The following RSRP1 variants were observed in gnomAD, a reference collection of about 807,000 sequenced individuals.
RSRP1 encodes arginine and serine rich protein 1, also known as arginine/serine-rich protein 1.
RSRP1 carries 37 observed loss-of-function variants against 33.0 expected under a neutral mutation model. That is an observed-to-expected ratio of 1.12 (90% CI 0.86 to 1.48). The LOEUF (loss-of-function observed/expected upper bound fraction) is 1.48, where lower values mean the gene tolerates loss of function less well. RSRP1 is among the 40% of genes most tolerant of loss of function. The probability of loss-of-function intolerance (pLI) is 0.00; values close to 1 mark genes in which losing one functional copy is unlikely to be tolerated. For synonymous variants in RSRP1, 167 were observed against 158.7 expected, an observed-to-expected ratio of 1.05 and a Z score of -0.40; for missense variants, 402 against 385.3, an observed-to-expected ratio of 1.04 and a Z score of -0.36.
intron 1 of RSRP1, among the ~76,000 whole-genome samples, chr1:25,310,210 C>A (rs1214641880): frequency 1.5e-5 from 2 of 133,282 alleles, no homozygotes; most frequent in African/African-American, 5.1e-5. Flanking sequence ...CCCCAAATTT[C>A]ATGTGCTGGA....
intron 1 of RSRP1, among the ~76,000 whole-genome samples, chr1:25,257,527 AG>A (rs1330949163): frequency 1.3e-5 from 2 of 152,178 alleles, no homozygotes; most frequent in Admixed American, 1.3e-4. Context: ...TGGGGATAGA[AG>A]AAAAACTAGC....
At position 25,328,949 on chromosome 1, in the gene RSRP1, G is replaced by T. The variant is rs546926765; in HGVS notation, c.-67+9029C>A. 9.9e-6 allele frequency: 13 copies of T among 1,318,486 alleles called. 4 individuals carry two copies. The highest frequency in any genetic ancestry group is 1.4e-5 in the Non-Finnish European group (13 of 932,108). 81.7% of individuals were successfully genotyped at this position (1,318,486 alleles called of 1,614,324 possible). On this transcript the variant is annotated intron_variant, in intron 1 of 1. Coordinates refer to the RSRP1 transcript ENST00000561867. ...AGCAAAAGCATCCAAGAAAAACAAG[G>T]CCTGTTCAAAAACAAGACAACTTCC...
chr1:25,314,931 G>T lies in RSRP1; in HGVS notation c.-67+23047C>A, dbSNP rs2427763. ...CTTTTTAAGAATTTTTGCAGCCAGC[G>T]CGGTGGCTCACACCTGTAATCCCAG... is the stretch of plus-strand genomic sequence containing the variant. On this transcript the variant is annotated intron_variant, in intron 1 of 1. Transcript: ENST00000561867. 6.0e-3 allele frequency among the ~76,000 whole-genome samples: 790 copies of T among 130,666 alleles called. 158 individuals carry two copies. The highest frequency in any genetic ancestry group is 8.9e-3 in the African/African-American group (342 of 38,430). 85.7% of individuals were successfully genotyped at this position (130,666 alleles called of 152,430 possible). A position where few individuals can be genotyped will look rare whatever the true frequency, so the allele number is the denominator to read the frequency against.
At chr1:25,262,496 T>A (rs982222915) in intron 1 of RSRP1, among the ~76,000 whole-genome samples, 1 of 152,156 alleles carries the variant, frequency 6.6e-6, no homozygotes, top group South Asian at 2.1e-4. Context: ...GCCAATCGGA[T>A]ACATAGATAT....
Position 25,246,746 on chromosome 1 carries a change from T to C in RSRP1, c.218A>G (p.Lys73Arg), listed in dbSNP as rs1279865682. The C allele has an allele frequency of 6.2e-7, 1 of 1,609,366 alleles. No homozygotes were observed. Among genetic ancestry groups the C allele is most frequent in the Non-Finnish European group, 8.5e-7 (1 of 1,176,664 alleles). ...GTATGACCGCGAGTAGCGCCTGTAC[T>C]TCCGCTGGTGGCGCCTTCGGGAACG... The part of the protein sequence containing the change: ...RSRSRRRHQR[K>R]YRRYSRSYSR... The change falls in exon 2 of 5, where the codon AAG (lysine) becomes AGG (arginine). Residue 73 changes from lysine to arginine, a missense_variant. By Grantham distance (26) the Lys-to-Arg change is conservative (BLOSUM62 2). Coordinates refer to ENST00000243189, the MANE Select transcript of RSRP1 (RefSeq NM_020317.5).
In RSRP1 at chr1:25,308,491, G is replaced by A. The variant is rs1266859825; in HGVS notation, c.-67+29487C>T. Among the ~76,000 whole-genome samples the A allele has an allele frequency of 3.0e-5, 4 of 131,622 alleles. 1 individual carries two copies. The highest frequency in any genetic ancestry group is 7.2e-5 in the Non-Finnish European group (4 of 55,850). The allele number at this position is 131,622 out of a possible 152,430, so 86.3% of individuals were successfully genotyped here. On this transcript the variant is annotated intron_variant, in intron 1 of 1. Transcript: ENST00000561867. ...GAAAAAGCCAATCAGTGGTTTTCTG[G>A]TAAAGGATTAACTTAACAAACTGGC...
intron 1 of RSRP1, among the ~76,000 whole-genome samples, chr1:25,311,916 C>A (rs1644170805): frequency 7.6e-6 from 1 of 131,100 alleles, no homozygotes. Context: ...CTGTGAACAG[C>A]CACCCCAGAG....
chr1:25,304,347 C>T lies in RSRP1; in HGVS notation c.-67+33631G>A, dbSNP rs1643625570. 1.6e-5 allele frequency: 2 copies of T among 121,244 alleles called. 1 individual carries two copies. Among genetic ancestry groups the T allele is most frequent in the Admixed American group, 1.6e-4 (2 of 12,278 alleles). The allele number at this position is 121,244 out of a possible 1,614,324, so 7.5% of individuals were successfully genotyped here. A position where few individuals can be genotyped will look rare whatever the true frequency, so the allele number is the denominator to read the frequency against. On this transcript the variant is annotated intron_variant, in intron 1 of 1. Transcript: ENST00000561867. ...GAAAAACTGGCTGGGCGCAGTGGCT[C>T]ACGCGCTTTGGGAGGCCGAGGCGGG...
chr1:25,246,120 G>A (rs567491676), intron 2 of RSRP1: 3 of 294,836 alleles, frequency 1.0e-5, no homozygotes, highest in South Asian at 1.7e-4. Context: ...AAGAAGGCGT[G>A]TTTTGATATT....
chr1:25,261,476 C>A (rs2124562886), intron 1 of RSRP1, among the ~76,000 whole-genome samples: 1 of 151,092 alleles, frequency 6.6e-6, no homozygotes, highest in Admixed American at 6.6e-5. Context: ...GCAATCTCGG[C>A]TCACTGCAAT....
chr1:25,322,269 C>T (rs640810), intron 1 of RSRP1, among the ~76,000 whole-genome samples: 5 of 132,556 alleles, frequency 3.8e-5, no homozygotes, highest in African/African-American at 1.0e-4. Context: ...GCCAAATAGT[C>T]TGACATGCGG....
At position 25,278,366 on chromosome 1, in the gene RSRP1, G is replaced by A. The variant is rs1278590372; in HGVS notation, c.-66-31337C>T. Reference sequence around the variant, plus strand: ...ATGATATGCTTAGGGGAAGCAGAGAGTATCAATTACCTATTGCTGCATAAC... The same window carrying A: ...ATGATATGCTTAGGGGAAGCAGAGAATATCAATTACCTATTGCTGCATAAC... On this transcript the variant is annotated intron_variant, in intron 1 of 1. Coordinates refer to the RSRP1 transcript ENST00000561867. 3.8e-5 allele frequency among the ~76,000 whole-genome samples: 5 copies of A among 130,352 alleles called. 1 individual carries two copies. Among genetic ancestry groups the A allele is most frequent in the Admixed American group, 3.0e-4 (4 of 13,330 alleles). 85.5% of individuals were successfully genotyped at this position (130,352 alleles called of 152,430 possible).
chr1:25,337,279 C>T (rs867907883), intron 1 of RSRP1: 1 of 152,138 alleles, frequency 6.6e-6, no homozygotes, highest in African/African-American at 2.4e-5. Flanking sequence ...CGAGCGCCTC[C>T]GCTAGGGAGA....
chr1:25,302,014 G>C lies in RSRP1; in HGVS notation c.-67+35964C>G, dbSNP rs570493437. On this transcript the variant is annotated intron_variant, in intron 1 of 1. Coordinates refer to the RSRP1 transcript ENST00000561867. The stretch of plus-strand genomic sequence containing the variant: ...AGCGAGAGTCAGCAGCAACAGACTA[G>C]ACTAGAATTAGCCAGCCTCTCTCTT... Among the ~76,000 whole-genome samples the C allele has an allele frequency of 7.7e-5, 10 of 130,566 alleles. No homozygotes were observed. The East Asian group carries it at 2.0e-3, about 26-fold the overall frequency. The allele number at this position is 130,566 out of a possible 152,430, so 85.7% of individuals were successfully genotyped here.
Position 25,321,989 on chromosome 1 carries a change from T to C in RSRP1, c.-67+15989A>G, listed in dbSNP as rs1443142640. 31 of 1,131,282 alleles carry C rather than the reference T, an allele frequency of 2.7e-5. 4 individuals carry two copies. Among genetic ancestry groups the C allele is most frequent in the Non-Finnish European group, 4.0e-5 (30 of 753,506 alleles). The allele number at this position is 1,131,282 out of a possible 1,614,324, so 70.1% of individuals were successfully genotyped here. ...TAAGATTTTTCACCTATTAACGTGA[T>C]AGATTTTGAGTGCATGAACTTAAAA... On this transcript the variant is annotated intron_variant, in intron 1 of 1. Coordinates refer to the RSRP1 transcript ENST00000561867.
intron 1 of RSRP1, chr1:25,328,935 C>T (rs1644915480): frequency 7.6e-7 from 1 of 1,311,478 alleles, no homozygotes; most frequent in Admixed American, 1.9e-5. Context: ...GCAAAAGCAT[C>T]CAAGAAAAAC....
At chr1:25,249,554 CTGGTCT>C (rs1439338993), upstream of RSRP1, among the ~76,000 whole-genome samples, 6 of 152,138 alleles carry the variant, frequency 3.9e-5, no homozygotes, top group Admixed American at 1.3e-4. Flanking sequence ...GTTGGCCAGG[CTGGTCT>C]TGAACTCCTG....
chr1:25,250,358 A>C (rs1639737392), upstream of RSRP1, among the ~76,000 whole-genome samples: 3 of 152,294 alleles, frequency 2.0e-5, no homozygotes, highest in South Asian at 6.2e-4. Flanking sequence ...GGGGATAAAG[A>C]GGGCTGCAAG....
intron 1 of RSRP1, among the ~76,000 whole-genome samples, chr1:25,261,205 T>C (rs1640131701): frequency 6.6e-6 from 1 of 152,124 alleles, no homozygotes; most frequent in Non-Finnish European, 1.5e-5. Context: ...TTTCCAAATA[T>C]AGTCACTTTA....
Sources: allele counts gnomAD v4.1 joint callset (sites outside exome capture counted in the v4.1 genomes callset), GRCh38; gene constraint gnomAD v4.1.1; transcripts MANE v1.5; gene names NCBI Gene and HGNC (gene_info 2026-07-23, HGNC 2026-07-21).